PDZD2: variants seen among roughly 807,000 people sequenced by gnomAD.
The protein encoded by PDZD2 is PDZ domain containing 2.
PDZD2 carries 90 observed loss-of-function variants against 220.7 expected under a neutral mutation model. The observed-to-expected ratio is 0.41, with a 90% CI of 0.34 to 0.49. The LOEUF is 0.49. Ranked by LOEUF, PDZD2 falls within the 20% of genes least tolerant of loss-of-function variation. The pLI is 0.28. For missense variants in PDZD2, 3,174 were observed against 3,608.5 expected, an observed-to-expected ratio of 0.88 and a Z score of 3.08; for synonymous variants, 1,375 against 1,450.5, an observed-to-expected ratio of 0.95 and a Z score of 1.18.
At position 32,090,997 on chromosome 5, in the gene PDZD2, A is replaced by G. The variant is rs1395008145; in HGVS notation, c.7549A>G (p.Thr2517Ala). The G allele has an allele frequency of 6.2e-7, 1 of 1,613,582 alleles. No individual in the cohort carries two copies. The highest frequency in any genetic ancestry group is 1.6e-4 in the Middle Eastern group (1 of 6,084). ...GCTCTTCAAAACTGAGCTGGAGATC[A>G]CCCCCAGGAGGTCACCTGGCCCTCC... The part of the protein sequence containing the change: ...AVLFKTELEI[T>A]PRRSPGPPAG... Residue 2517 changes from threonine (T) to alanine (A), a missense_variant, in exon 20 of 25, where the codon ACC (threonine) becomes GCC (alanine). Physicochemically the swap from Thr to Ala is moderately conservative, Grantham distance 58 (BLOSUM62 0). Coordinates refer to ENST00000438447, the MANE Select transcript of PDZD2 (RefSeq NM_178140.4). This position sits in a 1 kb window ranked among gnomAD's most constrained non-coding sequence, Gnocchi z 4.3.
At chr5:31,898,964 A>G (rs1741836898) in intron 2 of PDZD2, among the ~76,000 whole-genome samples, 1 of 151,196 alleles carries the variant, frequency 6.6e-6, no homozygotes, top group Non-Finnish European at 1.5e-5. Flanking sequence ...AGTAGCTGGG[A>G]CTATAGGCGC....
intron 2 of PDZD2, among the ~76,000 whole-genome samples, chr5:31,845,530 G>T (rs919815490): frequency 6.6e-6 from 1 of 152,204 alleles, no homozygotes; most frequent in African/African-American, 2.4e-5. Context: ...GGGAAGTCAG[G>T]GAACGTGTCC....
chr5:31,921,782 C>A (rs2150380346), intron 2 of PDZD2, among the ~76,000 whole-genome samples: 1 of 152,158 alleles, frequency 6.6e-6, no homozygotes, highest in South Asian at 2.1e-4. Context: ...AGGCTTTTTG[C>A]AAACTTTTTT....
intron 3 of PDZD2, among the ~76,000 whole-genome samples, chr5:31,983,905 TTAAA>T (rs1294075965): frequency 6.6e-6 from 1 of 152,206 alleles, no homozygotes; most frequent in Non-Finnish European, 1.5e-5. Context: ...TTTATCCTAC[TTAAA>T]TAAAGAGCTA....
chr5:31,681,113 T>C (rs932162289), intron 1 of PDZD2, among the ~76,000 whole-genome samples: 3 of 152,174 alleles, frequency 2.0e-5, no homozygotes, highest in Admixed American at 6.5e-5. Flanking sequence ...TTGCCAGATA[T>C]CACTAAATGC....
In PDZD2 at chr5:31,745,481, A is replaced by G. The variant is rs575069611; in HGVS notation, c.-360-53408A>G. 1.2e-4 allele frequency among the ~76,000 whole-genome samples: 18 copies of G among 152,340 alleles called. No individual in the cohort carries two copies. The East Asian group carries it at 3.1e-3, about 26-fold the overall frequency. ...GGATGTGGGAAGTCTTTGTCCTCCA[A>G]GAAGCTCTCACACACGCCCTGGAGA... On this transcript the variant is annotated intron_variant, in intron 1 of 24. Transcript: ENST00000438447.
intron 1 of PDZD2, among the ~76,000 whole-genome samples, chr5:31,758,796 C>T (rs1751449778): frequency 6.6e-6 from 1 of 152,166 alleles, no homozygotes; most frequent in South Asian, 2.1e-4. Flanking sequence ...GTAGATGTGT[C>T]CATTTCAGAA....
At chr5:31,900,950 ATACT>A (rs1742041984) in intron 2 of PDZD2, among the ~76,000 whole-genome samples, 2 of 152,194 alleles carry the variant, frequency 1.3e-5, no homozygotes, top group Admixed American at 1.3e-4. Context: ...TCCCGGACAA[ATACT>A]TACAACTCAT....
intron 2 of PDZD2, among the ~76,000 whole-genome samples, chr5:31,961,753 C>T (rs1196072795): frequency 6.6e-6 from 1 of 152,172 alleles, no homozygotes; most frequent in Non-Finnish European, 1.5e-5. Flanking sequence ...AAGGGATTCT[C>T]CTGCCTCAGC....
intron 1 of PDZD2, among the ~76,000 whole-genome samples, chr5:31,664,301 C>A (rs1003151209): frequency 3.3e-5 from 5 of 152,082 alleles, no homozygotes; most frequent in African/African-American, 1.2e-4. Flanking sequence ...CCGCACCCAG[C>A]TGAAACCTCC....
chr5:31,797,847 C>A (rs529056379), intron 1 of PDZD2, among the ~76,000 whole-genome samples: 10 of 152,302 alleles, frequency 6.6e-5, no homozygotes, highest in African/African-American at 2.4e-4. Context: ...TGTTAAATCA[C>A]TTCCTGAGAA....
At chr5:31,768,428 G>A (rs1009973902) in intron 1 of PDZD2, among the ~76,000 whole-genome samples, 2 of 152,088 alleles carry the variant, frequency 1.3e-5, no homozygotes, top group African/African-American at 4.8e-5. Flanking sequence ...GGATCACAAG[G>A]TCAGGAGTTT....
In PDZD2 at chr5:32,089,034, CCTGT is replaced by C; in HGVS notation, c.5589_5592del (p.Ser1864ArgfsTer9). 1.9e-6 allele frequency: 3 copies of C among 1,613,840 alleles called. No individual in the cohort carries two copies. The highest frequency in any genetic ancestry group is 2.5e-6 in the Non-Finnish European group (3 of 1,179,932). On this transcript the variant is annotated frameshift_variant, in exon 20 of 25. Transcript: ENST00000438447. LOFTEE classifies it high-confidence loss of function. ...CGAAAACAAACCTGGAAAATAAGGA[CCTGT>C]CTAAGAAGAGTCCGGCAGAAATGCT...
intron 2 of PDZD2, among the ~76,000 whole-genome samples, chr5:31,930,275 C>T (rs1400934270): frequency 3.5e-5 from 5 of 144,630 alleles, no homozygotes; most frequent in Non-Finnish European, 7.5e-5. Flanking sequence ...GCATGATCTC[C>T]GCTTACTGCA....
At chr5:31,893,973 C>T (rs1165861374) in intron 2 of PDZD2, among the ~76,000 whole-genome samples, 1 of 151,668 alleles carries the variant, frequency 6.6e-6, no homozygotes, top group Non-Finnish European at 1.5e-5. Context: ...TGGCTCACTG[C>T]AACCTCCACC....
intron 2 of PDZD2, among the ~76,000 whole-genome samples, chr5:31,876,875 C>G (rs142356847): frequency 5.9e-5 from 9 of 152,226 alleles, no homozygotes; most frequent in Non-Finnish European, 1.3e-4. Flanking sequence ...CTCAAATTCA[C>G]TCCTTAAAAA....
chr5:32,107,738 T>TTTATC (rs1208561078), intron 24 of PDZD2, among the ~76,000 whole-genome samples: 1 of 152,218 alleles, frequency 6.6e-6, no homozygotes, highest in African/African-American at 2.4e-5. Flanking sequence ...TCAGTTTATT[T>TTTATC]TTATCTTACA....
At chr5:32,067,690 T>G (rs2112371324) in intron 14 of PDZD2, among the ~76,000 whole-genome samples, 1 of 152,272 alleles carries the variant, frequency 6.6e-6, no homozygotes, top group East Asian at 1.9e-4. Flanking sequence ...CTCCTACCTT[T>G]AAAAAAGAAA....
chr5:32,070,818 A>C (rs1016130885), intron 15 of PDZD2, among the ~76,000 whole-genome samples: 1 of 152,214 alleles, frequency 6.6e-6, no homozygotes, highest in Non-Finnish European at 1.5e-5. Flanking sequence ...CAACATGGAG[A>C]AACCCCATCT....
Sources: allele counts gnomAD v4.1 joint callset (sites outside exome capture counted in the v4.1 genomes callset), GRCh38; gene constraint gnomAD v4.1.1; non-coding constraint Gnocchi (gnomAD v3.1); transcripts MANE v1.5; gene names NCBI Gene and HGNC (gene_info 2026-07-23, HGNC 2026-07-21).